The following LMX1A variants were observed in gnomAD, a reference collection of about 807,000 sequenced individuals.
LMX1A encodes LIM homeobox transcription factor 1-alpha.
A neutral mutation model predicts 49.1 loss-of-function variants in LMX1A; 15 were observed. The observed-to-expected ratio is 0.31, with a 90% CI of 0.20 to 0.47. LMX1A has a LOEUF of 0.47. LMX1A is among the 20% of genes least tolerant of loss of function. The pLI, the probability that LMX1A is intolerant of heterozygous loss-of-function variation, is 1.00. For missense variants in LMX1A, 372 were observed against 475.8 expected, an observed-to-expected ratio of 0.78 and a Z score of 2.03; for synonymous variants, 167 against 185.7, an observed-to-expected ratio of 0.90 and a Z score of 0.82.
intron 3 of LMX1A, among the ~76,000 whole-genome samples, chr1:165,340,725 T>C (rs6666292): frequency 0.92 from 139,659 of 152,246 alleles, 64,107 homozygotes; most frequent in Middle Eastern, 0.95. Context: ...AGTAACTTAG[T>C]ATAGCATGTT....
intron 4 of LMX1A, among the ~76,000 whole-genome samples, chr1:165,229,139 G>A (rs1337740205): frequency 1.3e-5 from 2 of 150,662 alleles, no homozygotes; most frequent in African/African-American, 4.9e-5. Flanking sequence ...AAAAAAATGT[G>A]GCCATTTAAA....
chr1:165,317,768 C>T (rs1571219846), intron 3 of LMX1A, among the ~76,000 whole-genome samples: 3 of 152,200 alleles, frequency 2.0e-5, no homozygotes, highest in South Asian at 2.1e-4. Context: ...GAGCTCTCAC[C>T]GATCTCACGT....
At chr1:165,328,613 G>A (rs1655652721) in intron 3 of LMX1A, among the ~76,000 whole-genome samples, 2 of 152,144 alleles carry the variant, frequency 1.3e-5, no homozygotes, top group South Asian at 4.1e-4. Context: ...CAGGGAGGTG[G>A]ACCAACAGAG....
chr1:165,267,897 C>T (rs1175653331), intron 3 of LMX1A, among the ~76,000 whole-genome samples: 1 of 152,288 alleles, frequency 6.6e-6, no homozygotes, highest in Non-Finnish European at 1.5e-5. Context: ...GAGTAAACAT[C>T]TCTTTCAAAG....
intron 4 of LMX1A, chr1:165,218,355 C>T (rs1651716694): frequency 6.6e-6 from 1 of 152,282 alleles, no homozygotes; most frequent in Non-Finnish European, 1.5e-5. Flanking sequence ...CATCCTGGCA[C>T]ATCTGAGCCA....
At chr1:165,250,221 A>G (rs1653007888) in intron 3 of LMX1A, among the ~76,000 whole-genome samples, 2 of 152,102 alleles carry the variant, frequency 1.3e-5, no homozygotes, top group South Asian at 2.1e-4. Flanking sequence ...CTGCACATGT[A>G]CCCCAGAACT....
chr1:165,283,952 C>T (rs1004388091), intron 3 of LMX1A, among the ~76,000 whole-genome samples: 2 of 152,164 alleles, frequency 1.3e-5, no homozygotes, highest in African/African-American at 2.4e-5. Flanking sequence ...TTGCTGAATA[C>T]TCATGGCCTG....
At chr1:165,207,965 G>A (rs1374673979) in intron 7 of LMX1A, 98 bp downstream of exon 7, 1 of 1,005,812 alleles carries the variant, frequency 9.9e-7, no homozygotes, top group East Asian at 2.5e-5. Flanking sequence ...GCTTCACTGA[G>A]TCCAGATATG....
At chr1:165,333,600 C>T (rs76769919) in intron 3 of LMX1A, among the ~76,000 whole-genome samples, 1,892 of 152,280 alleles carry the variant, frequency 0.012, 43 homozygotes, top group African/African-American at 0.042. Flanking sequence ...TTTCCCATTG[C>T]ATTCACTGTC....
At chr1:165,226,882 A>G (rs916119906) in intron 4 of LMX1A, among the ~76,000 whole-genome samples, 3 of 152,200 alleles carry the variant, frequency 2.0e-5, no homozygotes, top group African/African-American at 4.8e-5. Context: ...GTATTCATCT[A>G]AACATATTTG....
intron 3 of LMX1A, among the ~76,000 whole-genome samples, chr1:165,301,651 T>A (rs1654777002): frequency 6.6e-6 from 1 of 152,110 alleles, no homozygotes. Flanking sequence ...TCCTCCAGTG[T>A]CAAAAATGAC....
At chr1:165,271,922 G>A (rs1319968033) in intron 3 of LMX1A, among the ~76,000 whole-genome samples, 1 of 152,164 alleles carries the variant, frequency 6.6e-6, no homozygotes, top group Non-Finnish European at 1.5e-5. Flanking sequence ...AGGCATCTCA[G>A]TACTTTTTCT....
chr1:165,342,337 G>A (rs1255324412), intron 3 of LMX1A, among the ~76,000 whole-genome samples: 1 of 152,204 alleles, frequency 6.6e-6, no homozygotes, highest in Non-Finnish European at 1.5e-5. Context: ...GACAGCTGCT[G>A]GCTGGTCCCG....
intron 4 of LMX1A, among the ~76,000 whole-genome samples, chr1:165,243,598 A>ACTT (rs897563360): frequency 6.6e-6 from 1 of 152,230 alleles, no homozygotes; most frequent in African/African-American, 2.4e-5. Flanking sequence ...AAAAGACAAA[A>ACTT]CTTAGAAAAT....
chr1:165,312,826 T>C (rs147881610), intron 3 of LMX1A, among the ~76,000 whole-genome samples: 12 of 152,352 alleles, frequency 7.9e-5, no homozygotes, highest in African/African-American at 2.6e-4. Context: ...GCAGATTCAT[T>C]AGCAAAATAA....
At chr1:165,325,161 T>C (rs1504702) in intron 3 of LMX1A, among the ~76,000 whole-genome samples, 48,782 of 151,890 alleles carry the variant, frequency 0.32, 8,654 homozygotes, top group East Asian at 0.7. Context: ...CATCATCATG[T>C]TGGTCTCAAA....
intron 6 of LMX1A, among the ~76,000 whole-genome samples, chr1:165,208,605 C>G (rs894896665): frequency 5.9e-5 from 9 of 152,170 alleles, no homozygotes; most frequent in Non-Finnish European, 1.2e-4. Flanking sequence ...TCCAAAGCAC[C>G]CTGCTAACAC....
chr1:165,220,333 A>G (rs930088691), intron 4 of LMX1A, among the ~76,000 whole-genome samples: 3 of 152,208 alleles, frequency 2.0e-5, no homozygotes, highest in Non-Finnish European at 4.4e-5. Flanking sequence ...AGAGAAGTTA[A>G]TGAATGAAGG....
At chr1:165,213,613 T>A in intron 5 of LMX1A, 28 bp downstream of exon 5, 1 of 1,599,116 alleles carries the variant, frequency 6.3e-7, no homozygotes, top group Non-Finnish European at 8.5e-7. Flanking sequence ...GGGGCCCAGC[T>A]CCTTTTCCTC....
Sources: gnomAD v4.1 joint callset for allele counts (sites outside exome capture counted in the v4.1 genomes callset) on GRCh38, gnomAD v4.1.1 for gene constraint, MANE v1.5 for transcripts, NCBI Gene and HGNC (gene_info 2026-07-23, HGNC 2026-07-21) for gene names.